Variants in TMEM196 observed in about 807,000 individuals in gnomAD.
The protein encoded by TMEM196 is transmembrane protein 196.
In TMEM196, 17 loss-of-function variants were observed where a neutral mutation model predicts 20.0. The ratio of observed to expected loss-of-function variants is 0.85; its 90% CI spans 0.58 to 1.27. The LOEUF (loss-of-function observed/expected upper bound fraction) is 1.27. TMEM196 is among the 50% of genes most tolerant of loss of function. The pLI, the probability that TMEM196 is intolerant of heterozygous loss-of-function variation, is 0.00. For synonymous variants in TMEM196, 113 were observed against 88.9 expected, an observed-to-expected ratio of 1.27 and a Z score of -1.52; for missense variants, 267 against 223.0, an observed-to-expected ratio of 1.20 and a Z score of -1.26.
At chr7:19,735,582 G>A (rs531963397) in intron 1 of TMEM196, among the ~76,000 whole-genome samples, 1 of 152,040 alleles carries the variant, frequency 6.6e-6, no homozygotes, top group African/African-American at 2.4e-5. Flanking sequence ...AGTAAAAAAG[G>A]CAATGGTAGA....
chr7:19,738,251 T>A (rs553096339), intron 1 of TMEM196, among the ~76,000 whole-genome samples: 40 of 152,238 alleles, frequency 2.6e-4, no homozygotes, highest in African/African-American at 8.7e-4. Context: ...GATTTCTTAC[T>A]GTTAGAGTGA....
chr7:19,768,639 G>C (rs1213553210), intron 1 of TMEM196, among the ~76,000 whole-genome samples: 1 of 152,074 alleles, frequency 6.6e-6, no homozygotes, highest in Non-Finnish European at 1.5e-5. Context: ...TTATCTAACA[G>C]TTATGCCTCT....
chr7:19,747,413 G>C (rs1784799798), intron 1 of TMEM196, among the ~76,000 whole-genome samples: 1 of 152,152 alleles, frequency 6.6e-6, no homozygotes, highest in Admixed American at 6.6e-5. Context: ...TATGTATTTA[G>C]GTTTAGGGAA....
intron 1 of TMEM196, among the ~76,000 whole-genome samples, chr7:19,768,110 A>G (rs1785709553): frequency 6.6e-6 from 1 of 152,108 alleles, no homozygotes; most frequent in Non-Finnish European, 1.5e-5. Flanking sequence ...TTTATTAAGC[A>G]GATAAAGATA....
At chr7:19,731,474 T>G (rs1177776843) in intron 1 of TMEM196, among the ~76,000 whole-genome samples, 1 of 152,184 alleles carries the variant, frequency 6.6e-6, no homozygotes, top group Non-Finnish European at 1.5e-5. Context: ...TCTGTACCTT[T>G]CAGTGCTTCA....
At chr7:19,759,350 C>T (rs1456003386) in intron 1 of TMEM196, among the ~76,000 whole-genome samples, 1 of 152,174 alleles carries the variant, frequency 6.6e-6, no homozygotes, top group Non-Finnish European at 1.5e-5. Context: ...TCTGGCCAAA[C>T]TTCTCAGTAC....
intron 1 of TMEM196, among the ~76,000 whole-genome samples, chr7:19,749,210 A>G (rs1045507267): frequency 3.9e-5 from 6 of 152,354 alleles, no homozygotes; most frequent in Admixed American, 1.3e-4. Flanking sequence ...TATATGAACA[A>G]GATAAAAATA....
intron 1 of TMEM196, among the ~76,000 whole-genome samples, chr7:19,743,412 A>G (rs1784643890): frequency 1.3e-5 from 2 of 152,164 alleles, no homozygotes; most frequent in South Asian, 4.1e-4. Flanking sequence ...AAACACAGGG[A>G]AGAATTTTAC....
intron 1 of TMEM196, among the ~76,000 whole-genome samples, chr7:19,735,468 TTCTC>T (rs1003988209): frequency 1.3e-5 from 2 of 152,192 alleles, no homozygotes; most frequent in Admixed American, 6.5e-5. Context: ...CTCTTTCTTT[TTCTC>T]TCTCTCTTTC....
At chr7:19,738,717 A>C (rs1416022449) in intron 1 of TMEM196, among the ~76,000 whole-genome samples, 1 of 152,162 alleles carries the variant, frequency 6.6e-6, no homozygotes, top group Non-Finnish European at 1.5e-5. Context: ...AAAATAAAAC[A>C]GCATGGGATT....
At chr7:19,749,967 G>A (rs943691518) in intron 1 of TMEM196, among the ~76,000 whole-genome samples, 2 of 152,148 alleles carry the variant, frequency 1.3e-5, no homozygotes, top group Non-Finnish European at 2.9e-5. Context: ...AACAAAGGCA[G>A]CCTTTTATAT....
At chr7:19,765,121 AAAT>A (rs60041316) in intron 1 of TMEM196, among the ~76,000 whole-genome samples, 23,758 of 152,110 alleles carry the variant, frequency 0.16, 2,319 homozygotes, top group East Asian at 0.45. Flanking sequence ...TTAAAATTAG[AAAT>A]AATAATACAT....
intron 1 of TMEM196, among the ~76,000 whole-genome samples, chr7:19,770,220 A>T (rs1785815358): frequency 6.6e-6 from 1 of 152,138 alleles, no homozygotes; most frequent in Non-Finnish European, 1.5e-5. Context: ...GTCACATTCT[A>T]ATTTCTCATT....
chr7:19,761,768 T>C (rs1785445267), intron 1 of TMEM196, among the ~76,000 whole-genome samples: 1 of 152,106 alleles, frequency 6.6e-6, no homozygotes, highest in Non-Finnish European at 1.5e-5. Context: ...TCACCAGACA[T>C]AGCATGTAGC....
intron 1 of TMEM196, among the ~76,000 whole-genome samples, chr7:19,732,479 A>G (rs1184778429): frequency 1.3e-5 from 2 of 151,740 alleles, no homozygotes; most frequent in Non-Finnish European, 2.9e-5. Context: ...AGGGGGAGGC[A>G]GCAGAATCAC....
intron 1 of TMEM196, among the ~76,000 whole-genome samples, chr7:19,768,878 T>C (rs1341113609): frequency 6.6e-6 from 1 of 152,214 alleles, no homozygotes; most frequent in African/African-American, 2.4e-5. Flanking sequence ...TTCTCATACA[T>C]TTTAAGCCCT....
chr7:19,734,414 A>T (rs2128018980), intron 1 of TMEM196, among the ~76,000 whole-genome samples: 1 of 152,312 alleles, frequency 6.6e-6, no homozygotes, highest in Non-Finnish European at 1.5e-5. Flanking sequence ...TAACCCATGA[A>T]TATTATAGGG....
At chr7:19,724,443 G>T in intron 3 of TMEM196, 90 bp from the exon 4 acceptor site, 3 of 1,175,632 alleles carry the variant, frequency 2.6e-6, no homozygotes, top group Admixed American at 4.3e-5. Context: ...GCACAAAAGA[G>T]CCACTATTCA....
At chr7:19,723,016 A>G (rs554438121) in intron 4 of TMEM196, among the ~76,000 whole-genome samples, 69 of 152,216 alleles carry the variant, frequency 4.5e-4, no homozygotes, top group African/African-American at 1.5e-3. Context: ...CCTATTTGCA[A>G]CAGAGCAGAA....
Sources: gnomAD v4.1 joint callset for allele counts (sites outside exome capture counted in the v4.1 genomes callset) on GRCh38, gnomAD v4.1.1 for gene constraint, MANE v1.5 for transcripts, NCBI Gene and HGNC (gene_info 2026-07-23, HGNC 2026-07-21) for gene names.